The following PRKAR1A variants were observed in gnomAD, a reference collection of about 807,000 sequenced individuals.
PRKAR1A encodes cAMP-dependent protein kinase type I-alpha regulatory subunit.
Under a neutral mutation model 52.0 loss-of-function variants are expected in PRKAR1A, and 3 were observed. That is an observed-to-expected ratio of 0.06 (90% CI 0.03 to 0.15). The LOEUF (loss-of-function observed/expected upper bound fraction) is 0.15, where lower values mean the gene tolerates loss of function less well. PRKAR1A is among the 10% of genes least tolerant of loss of function. PRKAR1A has a pLI of 1.00. For missense variants in PRKAR1A, 240 were observed against 477.4 expected, an observed-to-expected ratio of 0.50 and a Z score of 4.63; for synonymous variants, 188 against 168.4, an observed-to-expected ratio of 1.12 and a Z score of -0.90.
the PRKAR1A span, among the ~76,000 whole-genome samples, chr17:68,465,304 A>G: frequency 6.6e-6 from 1 of 151,942 alleles, no homozygotes; most frequent in South Asian, 2.1e-4. Flanking sequence ...TTGGCTGAAC[A>G]TTTGTACTAT....
chr17:68,430,096 A>G, the PRKAR1A span: 1 of 1,614,142 alleles, frequency 6.2e-7, no homozygotes. Flanking sequence ...GTAGGGAGGT[A>G]GTTGGTAGCA....
the PRKAR1A span, chr17:68,426,996 G>T: frequency 8.6e-6 from 6 of 694,818 alleles, no homozygotes; most frequent in South Asian, 1.1e-4. Context: ...CCACCCCCAG[G>T]TAACAGTGAA....
chr17:68,508,836 T>G (rs2085228522), upstream of PRKAR1A, among the ~76,000 whole-genome samples: 1 of 152,216 alleles, frequency 6.6e-6, no homozygotes. Flanking sequence ...CTCCTTAGTT[T>G]AAATGAGCAT....
At chr17:68,482,192 A>G in the PRKAR1A span, among the ~76,000 whole-genome samples, 1 of 152,364 alleles carries the variant, frequency 6.6e-6, no homozygotes, top group South Asian at 2.1e-4. Context: ...ACAGGGAAAA[A>G]GACAGACGGA....
At position 68,530,415 on chromosome 17, in the gene PRKAR1A, A is replaced by G; in HGVS notation, c.1112A>G (p.Gln371Arg). The G allele has an allele frequency of 6.2e-7, 1 of 1,614,150 alleles. No homozygotes were observed. The highest frequency in any genetic ancestry group is 8.5e-7 in the Non-Finnish European group (1 of 1,179,978). ...PCSDILKRNIQQYNSFVSLSV is the reference protein window; with the variant it reads ...PCSDILKRNIRQYNSFVSLSV ...TCAGACATCCTCAAACGAAACATCC[A>G]GCAGTACAACAGTTTTGTGTCACTG... Residue 371 changes from glutamine (Q) to arginine (R), a missense_variant, in exon 11 of 11, where the codon CAG becomes CGG. Transcript: ENST00000589228.
intron 9 of PRKAR1A, 44 bp downstream of exon 9, chr17:68,529,035 A>G (rs964482739): frequency 1.7e-5 from 28 of 1,610,936 alleles, no homozygotes; most frequent in Non-Finnish European, 1.8e-5. Context: ...GAGGTAAAGA[A>G]CTCAGAATTT....
At chr17:68,520,681 G>T (rs2085577602) in intron 2 of PRKAR1A, among the ~76,000 whole-genome samples, 1 of 152,132 alleles carries the variant, frequency 6.6e-6, no homozygotes, top group Non-Finnish European at 1.5e-5. Flanking sequence ...CTGAGTAATG[G>T]CTCTGAGTTG....
the PRKAR1A span, among the ~76,000 whole-genome samples, chr17:68,506,460 G>A: frequency 7.4e-6 from 1 of 134,588 alleles, no homozygotes; most frequent in Non-Finnish European, 1.6e-5. Flanking sequence ...TCATGTTATT[G>A]CTGGCCCCTT....
chr17:68,417,923 G>C, the PRKAR1A span, among the ~76,000 whole-genome samples: 1 of 151,402 alleles, frequency 6.6e-6, no homozygotes, highest in African/African-American at 2.4e-5. Context: ...GTAGAGACGG[G>C]GTTTTACCAT....
At chr17:68,524,136 T>C in intron 5 of PRKAR1A, 59 bp downstream of exon 5, 1 of 1,584,804 alleles carries the variant, frequency 6.3e-7, no homozygotes, top group Non-Finnish European at 8.7e-7. Context: ...CTAGAGGATT[T>C]TTTTGGTTTT....
chr17:68,437,005 A>ATATAT, the PRKAR1A span, among the ~76,000 whole-genome samples: 44 of 107,254 alleles, frequency 4.1e-4, no homozygotes, highest in Admixed American at 2.7e-3. Flanking sequence ...AAAAAAAAAA[A>ATATAT]ATATATATAT....
the PRKAR1A span, among the ~76,000 whole-genome samples, chr17:68,456,255 C>A: frequency 6.6e-6 from 1 of 152,144 alleles, no homozygotes; most frequent in African/African-American, 2.4e-5. Context: ...TTGTTCAGCA[C>A]CGGGTGTTTT....
chr17:68,434,824 C>A, the PRKAR1A span, among the ~76,000 whole-genome samples: 467 of 152,286 alleles, frequency 3.1e-3, 1 homozygote, highest in African/African-American at 0.011. Flanking sequence ...CTCTGTCTAC[C>A]TTTTCCCTTC....
At chr17:68,530,130 A>G in intron 10 of PRKAR1A, 129 bp downstream of exon 10, 1 of 1,478,992 alleles carries the variant, frequency 6.8e-7, no homozygotes. Context: ...TTTGGCTCTG[A>G]GAGGGAAGGT....
chr17:68,434,388 T>C, the PRKAR1A span, among the ~76,000 whole-genome samples: 4 of 152,232 alleles, frequency 2.6e-5, no homozygotes, highest in Admixed American at 6.5e-5. Context: ...TCAGTTTTGC[T>C]GAGCCCTAAG....
chr17:68,424,104 G>A, the PRKAR1A span, among the ~76,000 whole-genome samples: 1 of 152,110 alleles, frequency 6.6e-6, no homozygotes, highest in Non-Finnish European at 1.5e-5. Flanking sequence ...GGCCAGTTGG[G>A]GCCATGAGAA....
chr17:68,533,474 A>C, downstream of PRKAR1A: 1 of 998,092 alleles, frequency 1.0e-6, no homozygotes, highest in Non-Finnish European at 1.2e-6. Context: ...AATTCTCTCT[A>C]AACAGTGGCC....
chr17:68,539,454 G>A, intron 11 of PRKAR1A: 4 of 1,475,478 alleles, frequency 2.7e-6, no homozygotes, highest in Non-Finnish European at 3.8e-6. Flanking sequence ...ATTCCCCTGA[G>A]GCTTCCTCTC....
chr17:68,489,265 AG>A, the PRKAR1A span, among the ~76,000 whole-genome samples: 2 of 19,978 alleles, frequency 1.0e-4, no homozygotes, highest in Non-Finnish European at 1.6e-4. Context: ...ATATATGGAA[AG>A]TATATATATA....
Sources: gnomAD v4.1 joint callset for allele counts (sites outside exome capture counted in the v4.1 genomes callset) on GRCh38, gnomAD v4.1.1 for gene constraint, MANE v1.5 for transcripts, NCBI Gene and HGNC (gene_info 2026-07-23, HGNC 2026-07-21) for gene names.